Variants in CTNNAL1 observed in about 807,000 individuals in gnomAD.
CTNNAL1 encodes the protein catenin alpha like 1, also known as alpha-catulin.
A neutral mutation model predicts 93.6 loss-of-function variants in CTNNAL1; 69 were observed. The observed-to-expected ratio is 0.74, with a 90% CI of 0.61 to 0.90. The LOEUF is 0.90. CTNNAL1 is among the 40% of genes least tolerant of loss of function. The pLI, the probability that CTNNAL1 is intolerant of heterozygous loss-of-function variation, is 0.00. For synonymous variants in CTNNAL1, 286 were observed against 305.4 expected (o/e 0.94, Z 0.66); for missense variants, 836 against 862.0 (o/e 0.97, Z 0.38).
At chr9:109,000,418 A>G (rs1257104209) in intron 1 of CTNNAL1, among the ~76,000 whole-genome samples, 1 of 152,190 alleles carries the variant, frequency 6.6e-6, no homozygotes, top group Non-Finnish European at 1.5e-5. Flanking sequence ...ATAACAATCA[A>G]CAAGAAAGAA....
At chr9:108,960,492 C>G (rs144134154) in intron 11 of CTNNAL1, among the ~76,000 whole-genome samples, 80 of 152,182 alleles carry the variant, frequency 5.3e-4, no homozygotes, top group African/African-American at 1.8e-3. Context: ...AATGTAAATG[C>G]AGGGCTATGA....
At chr9:108,969,438 A>T (rs1831047526) in intron 10 of CTNNAL1, among the ~76,000 whole-genome samples, 1 of 152,206 alleles carries the variant, frequency 6.6e-6, no homozygotes, top group Admixed American at 6.5e-5. Context: ...CTAAACAAGG[A>T]TATTGTCATA....
intron 14 of CTNNAL1, chr9:108,950,526 AG>A (rs769249262): frequency 1.5e-5 from 23 of 1,550,224 alleles, no homozygotes; most frequent in Non-Finnish European, 1.9e-5. Flanking sequence ...TATCTAGAAA[AG>A]GTAGAAGACG....
chr9:108,963,631 T>C (rs1057309299), intron 11 of CTNNAL1: 2 of 152,246 alleles, frequency 1.3e-5, no homozygotes, highest in African/African-American at 4.8e-5. Flanking sequence ...TACAAGTACA[T>C]AAAGTCAGTC....
intron 6 of CTNNAL1, among the ~76,000 whole-genome samples, chr9:108,982,766 T>C (rs1831474437): frequency 6.6e-6 from 1 of 152,226 alleles, no homozygotes; most frequent in African/African-American, 2.4e-5. Context: ...ATACTATACA[T>C]AATGATGCTC....
chr9:109,009,391 C>G (rs1295091431), intron 1 of CTNNAL1, among the ~76,000 whole-genome samples: 1 of 151,908 alleles, frequency 6.6e-6, no homozygotes, highest in Non-Finnish European at 1.5e-5. Flanking sequence ...TGGTATGAGA[C>G]AGAGATCCAA....
chr9:108,948,145 C>G, intron 15 of CTNNAL1, 41 bp downstream of exon 15: 4 of 1,601,220 alleles, frequency 2.5e-6, no homozygotes, highest in Non-Finnish European at 3.4e-6. Flanking sequence ...CACTTTTAGC[C>G]CGAAATTAAA....
At chr9:108,981,484 CAAA>C (rs59271794) in intron 6 of CTNNAL1, among the ~76,000 whole-genome samples, 3 of 144,644 alleles carry the variant, frequency 2.1e-5, no homozygotes, top group African/African-American at 5.1e-5. Context: ...AGACAAAAAA[CAAA>C]AAAAAAAAAA....
chr9:108,999,175 C>G lies in CTNNAL1; in HGVS notation c.223G>C (p.Val75Leu). 1.9e-6 allele frequency: 3 copies of G among 1,613,816 alleles called. No individual in the cohort carries two copies. The highest frequency in any genetic ancestry group is 2.5e-6 in the Non-Finnish European group (3 of 1,179,882). The change falls in exon 2 of 19, where the codon GTC becomes CTC. Residue 75 changes from valine to leucine, a missense_variant. Coordinates refer to ENST00000325551, the MANE Select transcript of CTNNAL1 (RefSeq NM_003798.4). ...ACAAATCTTCCAACTGCCAAGTTGA[C>G]AGCTTGTCCTACACGCTGAATTGCT... ...LQAIQRVGQA[V>L]NLAVGRFVKV...
rs144567168 is a variant in CTNNAL1, at chr9:108,957,892, TG to T, written c.1592-2066del. On this transcript the variant is annotated intron_variant, in intron 11 of 18. Transcript: ENST00000325551. ...TGGCACTTTGGGAGGCTAAGGCAAG[TG>T]GATCACCCAAGGTCAGGAATTCAAG... Among the ~76,000 whole-genome samples the T allele has an allele frequency of 2.6e-3, 395 of 152,080 alleles. 2 individuals carry two copies. The highest frequency in any genetic ancestry group is 9.0e-3 in the African/African-American group (372 of 41,478).
rs1000972874 is a variant in CTNNAL1 at position 108,965,358 on chromosome 9, T to C, written c.1591+20A>G. ...TACATTAAAATAATAACATATTTCA[T>C]TATGTGGACAGTTTCTCACCTCGTC... On this transcript the variant is annotated intron_variant, in intron 11 of 18. Transcript: ENST00000325551. 1.4e-6 allele frequency: 2 copies of C among 1,384,370 alleles called. No individual in the cohort carries two copies. The highest frequency in any genetic ancestry group is 1.9e-5 in the South Asian group (1 of 52,162). The allele number at this position is 1,384,370 out of a possible 1,614,324, so 85.8% of individuals were successfully genotyped here. A position where few individuals can be genotyped will look rare whatever the true frequency, so the allele number is the denominator to read the frequency against.
In CTNNAL1 at chr9:108,999,162, A is replaced by G. The variant is rs1174631003; in HGVS notation, c.236T>C (p.Val79Ala). Residue 79 changes from valine (V) to alanine (A), a missense_variant, in exon 2 of 19, where the codon GTT (valine) becomes GCT (alanine). Physicochemically the swap from Val to Ala is moderately conservative, Grantham distance 64. Coordinates refer to ENST00000325551, the MANE Select transcript of CTNNAL1 (RefSeq NM_003798.4). ...QRVGQAVNLA[V>A]GRFVKVGEAI... ...TTCTCCTACTTTAACAAATCTTCCA[A>G]CTGCCAAGTTGACAGCTTGTCCTAC... 2 of 1,613,756 alleles carry G rather than the reference A, an allele frequency of 1.2e-6. No individual in the cohort carries two copies. Among genetic ancestry groups the G allele is most frequent in the Non-Finnish European group, 1.7e-6 (2 of 1,179,860 alleles).
intron 8 of CTNNAL1, 78 bp from the exon 9 acceptor site, chr9:108,972,911 A>C: frequency 3.5e-6 from 5 of 1,428,044 alleles, no homozygotes; most frequent in Non-Finnish European, 1.8e-6. Flanking sequence ...ACAAACAATA[A>C]CATTTTGTGA....
At chr9:108,949,256 A>G (rs377291835) in intron 14 of CTNNAL1, among the ~76,000 whole-genome samples, 1 of 152,218 alleles carries the variant, frequency 6.6e-6, no homozygotes, top group East Asian at 1.9e-4. Context: ...TCTAGGAAGA[A>G]GTCCTATTCC....
intron 1 of CTNNAL1, among the ~76,000 whole-genome samples, chr9:109,000,968 C>A (rs1306764649): frequency 6.7e-6 from 1 of 149,742 alleles, no homozygotes; most frequent in African/African-American, 2.5e-5. Flanking sequence ...CAAGACCAGC[C>A]TGGCCAACAT....
intron 8 of CTNNAL1, 31 bp from the exon 9 acceptor site, chr9:108,972,864 G>GGGGGGGCGCCCCCCCCCCCC: frequency 1.4e-5 from 2 of 142,582 alleles, no homozygotes; most frequent in Non-Finnish European, 1.0e-5. Context: ...GGGGGGGTGG[G>GGGGGGGCGCCCCCCCCCCCC]AGGGTGGAGA....
intron 14 of CTNNAL1, chr9:108,950,670 A>T: frequency 6.7e-7 from 1 of 1,501,866 alleles, no homozygotes; most frequent in Non-Finnish European, 8.9e-7. Context: ...ATCCCATCCC[A>T]TAAAAGGAGG....
chr9:109,013,463 G>T lies in CTNNAL1; in HGVS notation c.-21C>A, dbSNP rs1444613139. 2.2e-6 allele frequency: 3 copies of T among 1,366,352 alleles called. No homozygotes were observed. The African/African-American group carries it at 4.6e-5, about 21-fold the overall frequency. The allele number at this position is 1,366,352 out of a possible 1,614,324, so 84.6% of individuals were successfully genotyped here. On this transcript the variant is annotated 5_prime_UTR_variant, in exon 1 of 19. It adds an upstream start codon to the 5' untranslated region. Transcript: ENST00000325551. ...GCCATGGCCCTCGGTCTATCCCGCA[G>T]CCGGGACTCCGCGCCGCGGCGAGCC...
intron 14 of CTNNAL1, 59 bp from the exon 15 acceptor site, chr9:108,948,293 T>C (rs565928759): frequency 3.6e-5 from 54 of 1,516,340 alleles, no homozygotes; most frequent in Middle Eastern, 1.7e-4. Flanking sequence ...AAATTGACTT[T>C]ATAATATTAA....
Sources: allele counts gnomAD v4.1 joint callset (sites outside exome capture counted in the v4.1 genomes callset), GRCh38; gene constraint gnomAD v4.1.1; transcripts MANE v1.5; gene names NCBI Gene and HGNC (gene_info 2026-07-23, HGNC 2026-07-21).